Variants in ADGRB3 observed in about 807,000 individuals in gnomAD.
ADGRB3 encodes adhesion G protein-coupled receptor B3, also known as brain-specific angiogenesis inhibitor 3.
In ADGRB3, 37 loss-of-function variants were observed where a neutral mutation model predicts 193.4. The observed-to-expected ratio is 0.19, with a 90% CI of 0.15 to 0.25. The LOEUF (loss-of-function observed/expected upper bound fraction) is 0.25, where lower values mean the gene tolerates loss of function less well. ADGRB3 is among the 10% of genes least tolerant of loss of function. The pLI is 1.00. For missense variants in ADGRB3, 1,637 were observed against 1,852.9 expected, an observed-to-expected ratio of 0.88 and a Z score of 2.14; for synonymous variants, 690 against 644.2, an observed-to-expected ratio of 1.07 and a Z score of -1.08.
chr6:68,725,939 A>C (rs893860415), intron 3 of ADGRB3, among the ~76,000 whole-genome samples: 25 of 151,578 alleles, frequency 1.6e-4, no homozygotes, highest in African/African-American at 5.6e-4. Flanking sequence ...ATTAAAATAG[A>C]GGAAGGGTGG....
chr6:68,873,487 A>G (rs1227649029), intron 3 of ADGRB3, among the ~76,000 whole-genome samples: 2 of 152,160 alleles, frequency 1.3e-5, no homozygotes, highest in South Asian at 2.1e-4. Flanking sequence ...TGTGATTTCT[A>G]TAAGTGCTAG....
chr6:69,270,283 A>G (rs1366146604), intron 20 of ADGRB3, among the ~76,000 whole-genome samples: 1 of 152,188 alleles, frequency 6.6e-6, no homozygotes, highest in Non-Finnish European at 1.5e-5. Flanking sequence ...TTGGTAACAC[A>G]GCAACAAGAA....
chr6:69,060,206 GTC>G (rs1160918273), intron 15 of ADGRB3, among the ~76,000 whole-genome samples: 1 of 69,724 alleles, frequency 1.4e-5, no homozygotes, highest in Non-Finnish European at 3.1e-5. Flanking sequence ...CTCTTTCTCT[GTC>G]TCTCTCTCTC....
intron 3 of ADGRB3, among the ~76,000 whole-genome samples, chr6:68,905,211 G>A (rs1003449376): frequency 1.1e-4 from 16 of 152,038 alleles, no homozygotes; most frequent in African/African-American, 3.9e-4. Flanking sequence ...CCCATGTTGT[G>A]GTTTATTTGA....
At chr6:69,377,461 A>C (rs1769853909) in intron 30 of ADGRB3, among the ~76,000 whole-genome samples, 1 of 151,942 alleles carries the variant, frequency 6.6e-6, no homozygotes, top group Non-Finnish European at 1.5e-5. Flanking sequence ...ATATTACTCT[A>C]ACCTTCCCTT....
chr6:68,661,988 A>G (rs1218824686), intron 3 of ADGRB3, among the ~76,000 whole-genome samples: 2 of 151,522 alleles, frequency 1.3e-5, no homozygotes, highest in Non-Finnish European at 1.5e-5. Flanking sequence ...TTTTTTAAAC[A>G]AAGTACCAGA....
intron 3 of ADGRB3, among the ~76,000 whole-genome samples, chr6:68,743,744 G>T (rs990106178): frequency 6.6e-6 from 1 of 152,086 alleles, no homozygotes; most frequent in Non-Finnish European, 1.5e-5. Flanking sequence ...GTAAATTTCT[G>T]TTGAGAAATT....
intron 3 of ADGRB3, among the ~76,000 whole-genome samples, chr6:68,687,970 A>G (rs970361762): frequency 6.6e-5 from 10 of 152,172 alleles, no homozygotes; most frequent in African/African-American, 2.2e-4. Flanking sequence ...ATAATTTTTC[A>G]CCATTCCTGC....
intron 3 of ADGRB3, among the ~76,000 whole-genome samples, chr6:68,870,606 C>G (rs956101663): frequency 6.6e-6 from 1 of 152,072 alleles, no homozygotes; most frequent in African/African-American, 2.4e-5. Flanking sequence ...TTATTGATCC[C>G]CCGAGTTATC....
At chr6:68,657,824 C>G (rs1483021803) in intron 3 of ADGRB3, among the ~76,000 whole-genome samples, 1 of 151,264 alleles carries the variant, frequency 6.6e-6, no homozygotes, top group African/African-American at 2.4e-5. Context: ...CCTAATATAT[C>G]TATTTTGATT....
chr6:69,314,734 A>G (rs1361547645), intron 20 of ADGRB3, among the ~76,000 whole-genome samples: 1 of 151,588 alleles, frequency 6.6e-6, no homozygotes, highest in African/African-American at 2.4e-5. Context: ...GCTGTTTACA[A>G]ATGACACTGC....
At chr6:68,734,007 A>T (rs1044206217) in intron 3 of ADGRB3, among the ~76,000 whole-genome samples, 1 of 151,976 alleles carries the variant, frequency 6.6e-6, no homozygotes, top group East Asian at 1.9e-4. Flanking sequence ...TGCCTAAAAA[A>T]GTTTAAAAAT....
intron 29 of ADGRB3, among the ~76,000 whole-genome samples, chr6:69,363,762 G>A (rs1392134673): frequency 6.6e-6 from 1 of 152,008 alleles, no homozygotes; most frequent in African/African-American, 2.4e-5. Flanking sequence ...ATGGGGCTGT[G>A]TTCATGAAGA....
intron 20 of ADGRB3, among the ~76,000 whole-genome samples, chr6:69,299,203 A>G (rs1407304374): frequency 6.6e-6 from 1 of 150,820 alleles, no homozygotes; most frequent in Non-Finnish European, 1.5e-5. Flanking sequence ...GTCTATTCAC[A>G]TCTTTTTTTT....
intron 17 of ADGRB3, among the ~76,000 whole-genome samples, chr6:69,154,139 G>T (rs563707136): frequency 3.5e-5 from 4 of 113,776 alleles, no homozygotes; most frequent in Admixed American, 1.0e-4. Context: ...TTCTATATAT[G>T]CACTTCCTCT....
Position 69,235,222 on chromosome 6 carries a change from G to A in ADGRB3, c.2711+87G>A. 4 of 1,040,748 alleles carry A rather than the reference G, an allele frequency of 3.8e-6. No individual in the cohort carries two copies. In the South Asian group the frequency reaches 5.8e-5, roughly 15 times the overall value. 64.5% of individuals were successfully genotyped at this position (1,040,748 alleles called of 1,614,324 possible). On this transcript the variant is annotated intron_variant, in intron 19 of 31. Coordinates refer to ENST00000370598, the MANE Select transcript of ADGRB3 (RefSeq NM_001704.3). ...ATGTGATAATTATTAAATGTCTCCT[G>A]TCTTCTTAATTTACTGAAAGCAGTA...
intron 3 of ADGRB3, among the ~76,000 whole-genome samples, chr6:68,868,955 A>T (rs1582269300): frequency 9.6e-6 from 1 of 103,748 alleles, no homozygotes; most frequent in Non-Finnish European, 2.1e-5. Context: ...GTGTGTGTTT[A>T]AACTTAATCT....
intron 3 of ADGRB3, among the ~76,000 whole-genome samples, chr6:68,769,130 G>A (rs758623699): frequency 6.6e-6 from 1 of 152,210 alleles, no homozygotes; most frequent in African/African-American, 2.4e-5. Context: ...AGACAGTGTG[G>A]TGATTCCTCA....
rs150664071 is a variant in ADGRB3, at chr6:68,746,192, T to C, written c.757+106760T>C. 3.2e-3 allele frequency among the ~76,000 whole-genome samples: 484 copies of C among 152,074 alleles called. 5 individuals carry two copies. Among genetic ancestry groups the C allele is most frequent in the African/African-American group, 0.011 (474 of 41,556 alleles). ...GCCTAATATAAATTTAAATAATTTA[T>C]CTAAAAATTTTAAAATGTTTACTAA... is the stretch of plus-strand genomic sequence containing the variant. On this transcript the variant is annotated intron_variant, in intron 3 of 31. Coordinates refer to ENST00000370598, the MANE Select transcript of ADGRB3 (RefSeq NM_001704.3).
Sources: allele counts gnomAD v4.1 joint callset (sites outside exome capture counted in the v4.1 genomes callset), GRCh38; gene constraint gnomAD v4.1.1; transcripts MANE v1.5; gene names NCBI Gene and HGNC (gene_info 2026-07-23, HGNC 2026-07-21).